The following GREB1L variants were observed in gnomAD, a reference collection of about 807,000 sequenced individuals.
The protein encoded by GREB1L is GREB1 like retinoic acid receptor coactivator.
A neutral mutation model predicts 200.8 loss-of-function variants in GREB1L; 17 were observed. That is an observed-to-expected ratio of 0.08 (90% CI 0.06 to 0.13). The LOEUF (loss-of-function observed/expected upper bound fraction) is 0.13. Ranked by LOEUF, GREB1L falls within the 10% of genes least tolerant of loss-of-function variation. The pLI, the probability that GREB1L is intolerant of heterozygous loss-of-function variation, is 1.00. For missense variants in GREB1L, 1,657 were observed against 2,367.7 expected, an observed-to-expected ratio of 0.70 and a Z score of 6.23; for synonymous variants, 789 against 893.0, an observed-to-expected ratio of 0.88 and a Z score of 2.08.
Position 21,345,641 on chromosome 18 carries a change from G to T in GREB1L, c.-119-20386G>T, listed in dbSNP as rs545360517. Reference sequence around the variant, plus strand: ...TAATCCCAGCACTTTGGGAGGCCGAGGTGGGTGGATCACTTGAGGTCAGGA... The same window carrying T: ...TAATCCCAGCACTTTGGGAGGCCGATGTGGGTGGATCACTTGAGGTCAGGA... On this transcript the variant is annotated intron_variant, in intron 1 of 32. Coordinates refer to ENST00000424526, the MANE Select transcript of GREB1L (RefSeq NM_001142966.3). 2.6e-5 allele frequency among the ~76,000 whole-genome samples: 4 copies of T among 152,172 alleles called. No individual in the cohort carries two copies. The East Asian group carries it at 7.8e-4, about 29-fold the overall frequency.
chr18:21,441,455 C>A lies in GREB1L; in HGVS notation c.1125C>A (p.Pro375=). 1 of 1,551,544 alleles carries A rather than the reference C, an allele frequency of 6.4e-7. No homozygotes were observed. ...PQTPLTGILQ[P]RPIPAGETVI... The stretch of plus-strand genomic sequence containing the variant: ...CCCCACTAACTGGAATTTTACAACC[C>A]AGGCCCATTCCTGCAGGGGAAACTG... Residue 375 remains proline (P), a synonymous_variant, in exon 10 of 33, where the codon CCC becomes CCA. Transcript: ENST00000424526.
intron 1 of GREB1L, among the ~76,000 whole-genome samples, chr18:21,347,645 C>T (rs189762302): frequency 2.6e-4 from 40 of 150,962 alleles, no homozygotes; most frequent in African/African-American, 8.8e-4. Context: ...TTAGTAGAGA[C>T]GGGGTTTTGC....
intron 1 of GREB1L, among the ~76,000 whole-genome samples, chr18:21,319,725 G>T (rs555861438): frequency 6.6e-6 from 1 of 152,338 alleles, no homozygotes; most frequent in East Asian, 1.9e-4. Flanking sequence ...ATGGGTAGAG[G>T]CTTAGAGGGG....
Position 21,299,011 on chromosome 18 carries a change from CTTA to C in GREB1L, c.-120+56619_-120+56621del, listed in dbSNP as rs1354571218. On this transcript the variant is annotated intron_variant, in intron 1 of 32. Transcript: ENST00000424526. ...ATCTTCAAAAGGCTGGGCCTGGTGCCTTACGCCTGTAATCCCAGCACTTTGGGA... is the reference window on the plus strand; with the variant it reads ...ATCTTCAAAAGGCTGGGCCTGGTGCCCGCCTGTAATCCCAGCACTTTGGGA... 8.5e-5 allele frequency among the ~76,000 whole-genome samples: 13 copies of C among 152,236 alleles called. No homozygotes were observed. In the South Asian group the frequency reaches 2.5e-3, roughly 29 times the overall value.
rs181652530 is a variant in GREB1L at position 21,337,497 on chromosome 18, G to C, written c.-119-28530G>C. Among the ~76,000 whole-genome samples the C allele has an allele frequency of 9.4e-3, 1,435 of 152,206 alleles. 22 individuals carry two copies. Among genetic ancestry groups the C allele is most frequent in the African/African-American group, 0.033 (1,360 of 41,528 alleles). ...CCAGTTGCTGCTGTAATGGCAAAAC[G>C]GCCTTTCAAAACTCTCTGGTGCTTG... On this transcript the variant is annotated intron_variant, in intron 1 of 32. Coordinates refer to ENST00000424526, the MANE Select transcript of GREB1L (RefSeq NM_001142966.3).
intron 1 of GREB1L, among the ~76,000 whole-genome samples, chr18:21,334,757 A>C (rs1179277769): frequency 2.7e-5 from 4 of 149,334 alleles, no homozygotes; most frequent in African/African-American, 1.0e-4. Context: ...CTGGTGACAG[A>C]GTATGACCCC....
intron 7 of GREB1L, among the ~76,000 whole-genome samples, chr18:21,416,478 G>T (rs1048214112): frequency 3.9e-5 from 6 of 152,052 alleles, no homozygotes; most frequent in Admixed American, 3.9e-4. Flanking sequence ...GGATCACGAG[G>T]TCAGGAGATC....
intron 7 of GREB1L, chr18:21,434,891 T>G (rs986657225): frequency 6.6e-6 from 1 of 152,600 alleles, no homozygotes; most frequent in African/African-American, 2.4e-5. Context: ...TTGAATTAAC[T>G]TCCTTCCTGC....
At position 21,405,330 on chromosome 18, in the gene GREB1L, TTTGA is replaced by T. The variant is rs143546312; in HGVS notation, c.832+1342_832+1345del. ...CTCTCTTAGAATATCATTTATGTAA[TTTGA>T]TTGATCCCGTGATATGTTATGCTGT... On this transcript the variant is annotated intron_variant, in intron 7 of 32. Coordinates refer to ENST00000424526, the MANE Select transcript of GREB1L (RefSeq NM_001142966.3). 8.7e-3 allele frequency among the ~76,000 whole-genome samples: 1,326 copies of T among 152,366 alleles called. 10 individuals carry two copies. The highest frequency in any genetic ancestry group is 0.013 in the Non-Finnish European group (914 of 68,044).
chr18:21,466,918 A>C lies in GREB1L; in HGVS notation c.2183-6113A>C, dbSNP rs143241263. 3.3e-5 allele frequency among the ~76,000 whole-genome samples: 5 copies of C among 152,296 alleles called. No homozygotes were observed. The East Asian group carries it at 9.6e-4, about 29-fold the overall frequency. On this transcript the variant is annotated intron_variant, in intron 15 of 32. Coordinates refer to ENST00000424526, the MANE Select transcript of GREB1L (RefSeq NM_001142966.3). ...TGACAAAATGATAAACATATAGATAAACAAGATGGTATTGAGATTCCAGAA... is the reference window on the plus strand; with the variant it reads ...TGACAAAATGATAAACATATAGATACACAAGATGGTATTGAGATTCCAGAA...
intron 1 of GREB1L, among the ~76,000 whole-genome samples, chr18:21,336,302 C>T (rs1374620854): frequency 2.0e-5 from 3 of 152,200 alleles, no homozygotes; most frequent in East Asian, 3.9e-4. Flanking sequence ...TTCTTCACAT[C>T]TGGTAGAAAG....
intron 2 of GREB1L, among the ~76,000 whole-genome samples, chr18:21,380,966 G>A (rs2040282463): frequency 6.6e-6 from 1 of 152,136 alleles, no homozygotes; most frequent in Admixed American, 6.5e-5. Flanking sequence ...AGGCACGCCG[G>A]GCGCGGTGGC....
intron 11 of GREB1L, among the ~76,000 whole-genome samples, chr18:21,448,670 T>C (rs1323280048): frequency 6.6e-6 from 1 of 152,218 alleles, no homozygotes; most frequent in Non-Finnish European, 1.5e-5. Flanking sequence ...AAAGAAATGA[T>C]TGAATAGAGG....
intron 1 of GREB1L, among the ~76,000 whole-genome samples, chr18:21,260,886 C>G (rs1567911805): frequency 6.6e-6 from 1 of 151,674 alleles, no homozygotes; most frequent in Non-Finnish European, 1.5e-5. Flanking sequence ...TTTGAATAGT[C>G]ATTTTCTTTT....
At chr18:21,475,081 T>A (rs930984421) in intron 16 of GREB1L, among the ~76,000 whole-genome samples, 9 of 151,934 alleles carry the variant, frequency 5.9e-5, no homozygotes, top group Non-Finnish European at 1.0e-4. Flanking sequence ...CCTGAAAAAA[T>A]TTTGTTTTAA....
At chr18:21,344,191 G>C (rs1438936906) in intron 1 of GREB1L, among the ~76,000 whole-genome samples, 1 of 152,168 alleles carries the variant, frequency 6.6e-6, no homozygotes, top group Non-Finnish European at 1.5e-5. Flanking sequence ...CACGAGGTCA[G>C]GATATCGAGA....
intron 18 of GREB1L, among the ~76,000 whole-genome samples, chr18:21,486,648 A>G (rs1257222067): frequency 1.3e-5 from 2 of 152,200 alleles, no homozygotes; most frequent in Non-Finnish European, 2.9e-5. Context: ...AAAAAGAAAA[A>G]AAAAATCCCC....
At chr18:21,326,215 C>T (rs959971471) in intron 1 of GREB1L, among the ~76,000 whole-genome samples, 5 of 151,380 alleles carry the variant, frequency 3.3e-5, no homozygotes, top group African/African-American at 7.3e-5. Flanking sequence ...AATATGATAC[C>T]CACGTTTTTG....
At chr18:21,330,296 G>A (rs1303504618) in intron 1 of GREB1L, among the ~76,000 whole-genome samples, 1 of 152,166 alleles carries the variant, frequency 6.6e-6, no homozygotes, top group Non-Finnish European at 1.5e-5. Flanking sequence ...TTTTCACAGG[G>A]TGCGTCCAGA....
Sources: allele counts gnomAD v4.1 joint callset (sites outside exome capture counted in the v4.1 genomes callset), GRCh38; gene constraint gnomAD v4.1.1; transcripts MANE v1.5; gene names NCBI Gene and HGNC (gene_info 2026-07-23, HGNC 2026-07-21).